Variants in PRPF39 observed in about 807,000 individuals in gnomAD.
PRPF39 encodes the protein pre-mRNA-processing factor 39.
In PRPF39, 27 loss-of-function variants were observed where a neutral mutation model predicts 82.1. The observed-to-expected ratio is 0.33, with a 90% CI of 0.24 to 0.45. The LOEUF is 0.45. PRPF39 is among the 20% of genes least tolerant of loss of function. The pLI is 1.00. For missense variants in PRPF39, 581 were observed against 796.9 expected (o/e 0.73, Z 3.26); for synonymous variants, 261 against 256.4 (o/e 1.02, Z -0.17).
chr14:45,116,175 C>CTT lies in PRPF39; in HGVS notation c.*1263_*1264dup, dbSNP rs751456467. The CTT allele has an allele frequency of 5.7e-6, 9 of 1,573,038 alleles. No homozygotes were observed. In the Admixed American group the frequency reaches 1.5e-4, roughly 26 times the overall value. On this transcript the variant is annotated 3_prime_UTR_variant, in exon 14 of 14. Transcript: ENST00000355765. ...AAGTTTTATCATTGTTGCTAATATC[C>CTT]TTAGAGCTGAAGCACTGCTATTTCA...
rs758504694 is a variant in PRPF39, at chr14:45,113,490, G to T, written c.1758-693G>T. On this transcript the variant is annotated intron_variant, in intron 11 of 13. Transcript: ENST00000355765. Reference sequence around the variant, plus strand: ...GAGCGAGGACTGAACCTACTTCAGAGTTTCTGCTCTTAACTGCTTGTGTGC... The same window carrying T: ...GAGCGAGGACTGAACCTACTTCAGATTTTCTGCTCTTAACTGCTTGTGTGC... 6.6e-5 allele frequency among the ~76,000 whole-genome samples: 10 copies of T among 152,326 alleles called. 1 individual carries two copies. Among genetic ancestry groups the T allele is most frequent in the South Asian group, 6.2e-4 (3 of 4,830 alleles).
chr14:45,093,716 C>T (rs567309237), intron 1 of PRPF39, among the ~76,000 whole-genome samples: 14 of 151,798 alleles, frequency 9.2e-5, no homozygotes, highest in Non-Finnish European at 8.8e-5. Flanking sequence ...CCACCACGCC[C>T]GGCTAATTTG....
chr14:45,097,277 G>T (rs376012617), intron 4 of PRPF39, among the ~76,000 whole-genome samples: 2 of 151,402 alleles, frequency 1.3e-5, no homozygotes, highest in Non-Finnish European at 2.9e-5. Context: ...ATGTTTATGC[G>T]TATGCTTTCA....
chr14:45,100,025 C>T (rs1470111122), intron 4 of PRPF39, among the ~76,000 whole-genome samples: 3 of 152,012 alleles, frequency 2.0e-5, no homozygotes, highest in African/African-American at 7.2e-5. Context: ...GTCAGGAGTT[C>T]GAGACCAGTC....
chr14:45,095,297 A>ATGTT lies in PRPF39; in HGVS notation c.58_59insTGTT (p.Ser20MetfsTer12). On this transcript the variant is annotated frameshift_variant, in exon 2 of 14. Coordinates refer to ENST00000355765, the MANE Select transcript of PRPF39 (RefSeq NM_017922.4). LOFTEE classifies it high-confidence loss of function. ...TTCTAGTAATGGCAGCACAGGCAAC[A>ATGTT]GTTCAGAGGTAGTGGTAGAACATCC... The ATGTT allele has an allele frequency of 6.2e-7, 1 of 1,612,288 alleles. No individual in the cohort carries two copies. The highest frequency in any genetic ancestry group is 2.2e-5 in the East Asian group (1 of 44,860).
At chr14:45,094,143 G>A (rs1275147776) in intron 1 of PRPF39, among the ~76,000 whole-genome samples, 3 of 151,734 alleles carry the variant, frequency 2.0e-5, no homozygotes, top group Non-Finnish European at 4.4e-5. Flanking sequence ...TATATTCTAA[G>A]TATATTTTAA....
Position 45,110,178 on chromosome 14 carries a change from C to G in PRPF39, c.1261C>G (p.Pro421Ala). Residue 421 changes from proline (P) to alanine (A), a missense_variant, in exon 9 of 14, where the codon CCC (proline) becomes GCC (alanine). Pro to Ala is a conservative substitution (Grantham distance 27, BLOSUM62 -1). Coordinates refer to ENST00000355765, the MANE Select transcript of PRPF39 (RefSeq NM_017922.4). This position sits in a 1 kb window ranked among gnomAD's most constrained non-coding sequence, Gnocchi z 4.0. ...TTGTACTATACATCTCCCAAAGAAA[C>G]CCATGGTGCATATGCTTTGGGCAGC... ...RACTIHLPKK[P>A]MVHMLWAAFE... The G allele has an allele frequency of 6.2e-7, 1 of 1,613,710 alleles. No individual in the cohort carries two copies. The highest frequency in any genetic ancestry group is 8.5e-7 in the Non-Finnish European group (1 of 1,179,738).
chr14:45,105,525 CTTT>C (rs201816309), intron 5 of PRPF39, among the ~76,000 whole-genome samples: 1 of 133,434 alleles, frequency 7.5e-6, no homozygotes, highest in Admixed American at 7.6e-5. Context: ...TATTTATATA[CTTT>C]TTTTTTTTTT....
intron 7 of PRPF39, among the ~76,000 whole-genome samples, chr14:45,109,023 C>T (rs1884622315): frequency 6.6e-6 from 1 of 152,074 alleles, no homozygotes; most frequent in Non-Finnish European, 1.5e-5. Context: ...ATAATCACCA[C>T]CTCAAAAAAT....
At chr14:45,097,134 A>G in intron 4 of PRPF39, 129 bp downstream of exon 4, 1 of 1,333,776 alleles carries the variant, frequency 7.5e-7, no homozygotes, top group Non-Finnish European at 9.8e-7. Flanking sequence ...TGATACATGT[A>G]ATAAACTTAA....
Position 45,110,872 on chromosome 14 carries a change from T to C in PRPF39, c.1572+55T>C. 7.0e-7 allele frequency: 1 copy of C among 1,438,520 alleles called. No individual in the cohort carries two copies. Among genetic ancestry groups the C allele is most frequent in the Non-Finnish European group, 9.4e-7 (1 of 1,066,080 alleles). 89.1% of individuals were successfully genotyped at this position (1,438,520 alleles called of 1,614,324 possible). A position where few individuals can be genotyped will look rare whatever the true frequency, so the allele number is the denominator to read the frequency against. ...CTATTAAAAAAACCAGTGGTCAGTGTATTTTCACTGTGGCAACTGTGATGA... is the reference window on the plus strand; with the variant it reads ...CTATTAAAAAAACCAGTGGTCAGTGCATTTTCACTGTGGCAACTGTGATGA... On this transcript the variant is annotated intron_variant, in intron 10 of 13. Coordinates refer to ENST00000355765, the MANE Select transcript of PRPF39 (RefSeq NM_017922.4). This position sits in a 1 kb window ranked among gnomAD's most constrained non-coding sequence, Gnocchi z 4.0.
At chr14:45,102,852 A>C (rs1206144679) in intron 5 of PRPF39, among the ~76,000 whole-genome samples, 156 bp downstream of exon 5, 1 of 152,196 alleles carries the variant, frequency 6.6e-6, no homozygotes, top group East Asian at 1.9e-4. Flanking sequence ...CTTGCTTTTG[A>C]CATTTTTTCA....
chr14:45,100,509 C>T (rs764389360), intron 4 of PRPF39, among the ~76,000 whole-genome samples: 3 of 152,214 alleles, frequency 2.0e-5, no homozygotes, highest in African/African-American at 4.8e-5. Context: ...AGATTTCTCA[C>T]GATTCATTAA....
chr14:45,095,373 C>T lies in PRPF39; in HGVS notation c.134C>T (p.Pro45Leu), dbSNP rs780949679. The change falls in exon 2 of 14, where the codon CCT (proline) becomes CTT (leucine). Residue 45 changes from proline to leucine, a missense_variant. Transcript: ENST00000355765. ...IMNVTEMEQS[P>L]DDSPNVNAST... ...AACGTTACAGAAATGGAACAGTCAC[C>T]TGATGACTCTCCCAATGTGAATGCA... 9 of 1,613,948 alleles carry T rather than the reference C, an allele frequency of 5.6e-6. No individual in the cohort carries two copies. Among genetic ancestry groups the T allele is most frequent in the Non-Finnish European group, 7.6e-6 (9 of 1,179,852 alleles).
rs1314757476 is a variant in PRPF39 at position 45,114,210 on chromosome 14, A to G, written c.1785A>G (p.Gln595=). ...TTCTGAATGCTTATGATGAACATCA[A>G]ACACTCCTGAAAGAACAGGATTCTT... ...NKLLNAYDEH[Q]TLLKEQDSLK... The change falls in exon 12 of 14, where the codon CAA becomes CAG. Residue 595 remains glutamine, a synonymous_variant. Transcript: ENST00000355765. The G allele has an allele frequency of 3.1e-6, 5 of 1,602,958 alleles. No individual in the cohort carries two copies. Among genetic ancestry groups the G allele is most frequent in the East Asian group, 2.2e-5 (1 of 44,642 alleles).
Position 45,110,708 on chromosome 14 carries a change from A to C in PRPF39, c.1463A>C (p.Asn488Thr). The change falls in exon 10 of 14, where the codon AAT becomes ACT. Residue 488 changes from asparagine (N) to threonine (T), a missense_variant. Asn to Thr is a moderately conservative substitution (Grantham distance 65). Transcript: ENST00000355765. The surrounding 1 kb of genome is among the most constrained non-coding windows in gnomAD (Gnocchi z 4.0). Reference sequence around the variant, plus strand: ...GATGCCATTAAGAATGCCAAATCAAATAATGAATCTTCATTTTATGCTGTC... The same window carrying C: ...GATGCCATTAAGAATGCCAAATCAACTAATGAATCTTCATTTTATGCTGTC... ...LQDAIKNAKS[N>T]NESSFYAVKL... 1 of 1,568,256 alleles carries C rather than the reference A, an allele frequency of 6.4e-7. No individual in the cohort carries two copies. Among genetic ancestry groups the C allele is most frequent in the Non-Finnish European group, 8.7e-7 (1 of 1,155,304 alleles).
At chr14:45,108,067 G>A (rs1039889808) in intron 6 of PRPF39, among the ~76,000 whole-genome samples, 6 of 152,116 alleles carry the variant, frequency 3.9e-5, no homozygotes, top group East Asian at 1.9e-4. Context: ...TCTGATTAAG[G>A]CAAGTGGGGA....
At chr14:45,097,208 A>T (rs867387382) in intron 4 of PRPF39, among the ~76,000 whole-genome samples, 1 of 152,090 alleles carries the variant, frequency 6.6e-6, no homozygotes, top group Non-Finnish European at 1.5e-5. Context: ...TATGTCCCCA[A>T]TTCCACTCCT....
chr14:45,100,256 AAAC>A (rs1884333251), intron 4 of PRPF39, among the ~76,000 whole-genome samples: 2 of 150,084 alleles, frequency 1.3e-5, no homozygotes, highest in South Asian at 2.1e-4. Flanking sequence ...ACAAACAAAC[AAAC>A]AAAACAAAAC....
Sources: allele counts gnomAD v4.1 joint callset (sites outside exome capture counted in the v4.1 genomes callset), GRCh38; gene constraint gnomAD v4.1.1; non-coding constraint Gnocchi (gnomAD v3.1); transcripts MANE v1.5; gene names NCBI Gene and HGNC (gene_info 2026-07-23, HGNC 2026-07-21).